COL8A1: variants seen among roughly 807,000 people sequenced by gnomAD.
COL8A1 encodes the protein collagen type VIII alpha 1 chain.
In COL8A1, 21 loss-of-function variants were observed where a neutral mutation model predicts 42.7. That is an observed-to-expected ratio of 0.49 (90% confidence interval 0.35 to 0.71). The LOEUF (loss-of-function observed/expected upper bound fraction) is 0.71. COL8A1 is among the 30% of genes least tolerant of loss of function. The pLI is 0.01. For missense variants in COL8A1, 788 were observed against 962.4 expected, an observed-to-expected ratio of 0.82 and a Z score of 2.40; for synonymous variants, 367 against 369.1, an observed-to-expected ratio of 0.99 and a Z score of 0.06.
At chr3:99,773,841 T>TATATATATATATATATATATAC (rs1381763910) in intron 2 of COL8A1, among the ~76,000 whole-genome samples, 2 of 85,650 alleles carry the variant, frequency 2.3e-5, no homozygotes, top group African/African-American at 9.9e-5. Flanking sequence ...ATATATATTT[T>TATATATATATATATATATATAC]TTTTTTTTTT....
intron 1 of COL8A1, among the ~76,000 whole-genome samples, chr3:99,716,783 T>C (rs761129411): frequency 9.2e-5 from 14 of 152,196 alleles, no homozygotes; most frequent in Non-Finnish European, 1.5e-4. Flanking sequence ...TAAAGCTTGC[T>C]GTTTGCTCCT....
chr3:99,770,759 C>G (rs1941563647), intron 2 of COL8A1, among the ~76,000 whole-genome samples: 1 of 152,182 alleles, frequency 6.6e-6, no homozygotes, highest in Non-Finnish European at 1.5e-5. Flanking sequence ...TTGCCAGCCA[C>G]TGGGGAAACA....
At chr3:99,677,528 T>A (rs1938738391) in intron 1 of COL8A1, among the ~76,000 whole-genome samples, 1 of 152,110 alleles carries the variant, frequency 6.6e-6, no homozygotes, top group South Asian at 2.1e-4. Flanking sequence ...CAAAGTCTCT[T>A]AAAGGCATAA....
intron 1 of COL8A1, among the ~76,000 whole-genome samples, chr3:99,725,007 G>C (rs527529333): frequency 6.6e-6 from 1 of 151,982 alleles, no homozygotes; most frequent in Non-Finnish European, 1.5e-5. Flanking sequence ...TTGTGGTAAG[G>C]ATTAAATGAT....
At chr3:99,687,392 G>T (rs1939094435) in intron 1 of COL8A1, among the ~76,000 whole-genome samples, 1 of 152,180 alleles carries the variant, frequency 6.6e-6, no homozygotes, top group Admixed American at 6.5e-5. Context: ...GTGCTGTTAG[G>T]CATCATGCAA....
intron 1 of COL8A1, among the ~76,000 whole-genome samples, chr3:99,718,292 A>C (rs1940057607): frequency 6.6e-6 from 1 of 151,990 alleles, no homozygotes; most frequent in African/African-American, 2.4e-5. Context: ...GGCTTACCAA[A>C]TTGTTGTGGA....
At chr3:99,686,933 C>T (rs778476958) in intron 1 of COL8A1, among the ~76,000 whole-genome samples, 8 of 152,156 alleles carry the variant, frequency 5.3e-5, no homozygotes, top group Non-Finnish European at 1.2e-4. Flanking sequence ...AGCAATGACA[C>T]GATCTTGGCT....
intron 1 of COL8A1, among the ~76,000 whole-genome samples, chr3:99,705,777 C>A (rs575447322): frequency 2.6e-5 from 4 of 151,934 alleles, no homozygotes; most frequent in African/African-American, 9.7e-5. Flanking sequence ...CTCCTGCCCC[C>A]CCGGTATGAT....
rs754505017 is a variant in COL8A1, at chr3:99,794,637, G to A, written c.736G>A (p.Gly246Arg). 10 of 1,613,538 alleles carry A rather than the reference G, an allele frequency of 6.2e-6. No individual in the cohort carries two copies. The highest frequency in any genetic ancestry group is 3.3e-5 in the Admixed American group (2 of 59,936). Residue 246 changes from glycine (G) to arginine (R), a missense_variant, in exon 4 of 4, where the codon GGG becomes AGG. By Grantham distance (125) the Gly-to-Arg change is moderately radical (BLOSUM62 -2). This residue lies in a region of COL8A1 where 421 missense variants were observed against 553.1 expected (regional missense o/e 0.76). Transcript: ENST00000652472. The surrounding 1 kb of genome is among the most constrained non-coding windows in gnomAD (Gnocchi z 4.3). ...LRGPKGDKGFGMPGAPGVKGP... is the reference protein window; with the variant it reads ...LRGPKGDKGFRMPGAPGVKGP... ...GGGTCCTAAAGGAGACAAGGGCTTC[G>A]GGATGCCAGGTGCGCCAGGTGTAAA... is the stretch of plus-strand genomic sequence containing the variant.
intron 2 of COL8A1, among the ~76,000 whole-genome samples, chr3:99,766,536 C>G (rs1403452105): frequency 6.6e-6 from 1 of 152,152 alleles, no homozygotes; most frequent in Admixed American, 6.5e-5. Flanking sequence ...TCATTTTCCC[C>G]TAGTGTTTTC....
chr3:99,683,526 T>C (rs1387399717), intron 1 of COL8A1, among the ~76,000 whole-genome samples: 5 of 152,184 alleles, frequency 3.3e-5, no homozygotes, highest in Non-Finnish European at 7.3e-5. Context: ...AGGCACAATG[T>C]GTAAGCATCC....
At chr3:99,687,911 C>T (rs1939110201) in intron 1 of COL8A1, among the ~76,000 whole-genome samples, 1 of 152,122 alleles carries the variant, frequency 6.6e-6, no homozygotes, top group Admixed American at 6.5e-5. Flanking sequence ...TTATTATCCC[C>T]ATAAAGTGCC....
At chr3:99,704,195 AT>A (rs1203124700) in intron 1 of COL8A1, among the ~76,000 whole-genome samples, 4 of 152,250 alleles carry the variant, frequency 2.6e-5, no homozygotes, top group African/African-American at 7.2e-5. Flanking sequence ...TTTAAGAATG[AT>A]TTTTTTCTCG....
chr3:99,675,515 C>A (rs1938666001), intron 1 of COL8A1: 2 of 152,452 alleles, frequency 1.3e-5, no homozygotes, highest in African/African-American at 4.8e-5. Flanking sequence ...AATCATCCAG[C>A]AGATTGCTAA....
intron 1 of COL8A1, among the ~76,000 whole-genome samples, chr3:99,690,382 A>G (rs1303693434): frequency 6.6e-6 from 1 of 152,200 alleles, no homozygotes; most frequent in Non-Finnish European, 1.5e-5. Flanking sequence ...TAAGGAATGT[A>G]TTTTGGGAAA....
rs151279535 is a variant in COL8A1, at chr3:99,649,787, T to TCA, written c.-129+11140_-129+11141dup. ...CTCTTGCTCACTCTTTCTCTCTCTGTCACACACACACACACACATACACAT... is the reference window on the plus strand; with the variant it reads ...CTCTTGCTCACTCTTTCTCTCTCTGTCACACACACACACACACACATACACAT... On this transcript the variant is annotated intron_variant, in intron 1 of 3. Transcript: ENST00000652472. Among the ~76,000 whole-genome samples the TCA allele has an allele frequency of 8.2e-3, 1,222 of 149,698 alleles. 14 individuals are homozygous for TCA. Among genetic ancestry groups the TCA allele is most frequent in the African/African-American group, 0.027 (1,093 of 40,980 alleles).
At chr3:99,765,085 A>T (rs1054483199) in intron 2 of COL8A1, among the ~76,000 whole-genome samples, 4 of 152,218 alleles carry the variant, frequency 2.6e-5, no homozygotes, top group Non-Finnish European at 4.4e-5. Context: ...AGATGATACA[A>T]CAAGGAATAA....
chr3:99,668,284 G>A (rs1292170129), intron 1 of COL8A1, among the ~76,000 whole-genome samples: 1 of 152,134 alleles, frequency 6.6e-6, no homozygotes, highest in East Asian at 1.9e-4. Flanking sequence ...TAGGAAAGCT[G>A]TTAAATGTCA....
chr3:99,676,059 A>T (rs1177308585), intron 1 of COL8A1, among the ~76,000 whole-genome samples: 1 of 152,150 alleles, frequency 6.6e-6, no homozygotes, highest in Non-Finnish European at 1.5e-5. Flanking sequence ...AAGACCATTA[A>T]GCTATATTAT....
Sources: gnomAD v4.1 joint callset for allele counts (sites outside exome capture counted in the v4.1 genomes callset) on GRCh38, gnomAD v4.1.1 for gene constraint, gnomAD v4.1.1 regional missense constraint, Gnocchi (gnomAD v3.1) non-coding constraint, MANE v1.5 for transcripts, NCBI Gene and HGNC (gene_info 2026-07-23, HGNC 2026-07-21) for gene names.